ZNF880: variants seen among roughly 807,000 people sequenced by gnomAD.
ZNF880 encodes the protein zinc finger protein 880.
A neutral mutation model predicts 11.8 loss-of-function variants in ZNF880; 12 were observed. The observed-to-expected ratio is 1.02, with a 90% CI of 0.65 to 1.65. The LOEUF is 1.65. Among genes scored for constraint, ZNF880 ranks in the 40% most tolerant of loss-of-function variants. The probability of loss-of-function intolerance (pLI) is 0.00; values close to 1 mark genes in which losing one functional copy is unlikely to be tolerated. For missense variants in ZNF880, 601 were observed against 673.9 expected (o/e 0.89, Z 1.20); for synonymous variants, 210 against 232.4 (o/e 0.90, Z 0.88).
At position 52,384,181 on chromosome 19, in the gene ZNF880, A is replaced by G. The variant is rs1207787767; in HGVS notation, c.601A>G (p.Asn201Asp). 4 of 1,610,708 alleles carry G rather than the reference A, an allele frequency of 2.5e-6. No individual in the cohort carries two copies. Among genetic ancestry groups the G allele is most frequent in the Non-Finnish European group, 3.4e-6 (4 of 1,178,154 alleles). Reference protein sequence around the residue: ...KAFRVSSRLANNQVIHTADNP... With the variant: ...KAFRVSSRLADNQVIHTADNP... ...CTTTAGAGTGTCTTCAAGACTTGCT[A>G]ACAATCAAGTAATCCACACTGCAGA... Residue 201 changes from asparagine to aspartate, a missense_variant, in exon 4 of 4, where the codon AAC becomes GAC. Around this residue, in one of 3 missense-constraint regions of ZNF880, gnomAD observed 420 missense variants for 442.6 expected, o/e 0.95. Transcript: ENST00000422689.
In ZNF880 at chr19:52,385,602, T is replaced by C. The variant is rs753913990; in HGVS notation, c.*288T>C. ...ATTCAAGGACCATTACTATGGAACA[T>C]GATAAGATTTACACAAGCGATAATT... On this transcript the variant is annotated 3_prime_UTR_variant, in exon 4 of 4. Transcript: ENST00000422689. 7.3e-5 allele frequency: 20 copies of C among 272,688 alleles called. No individual in the cohort carries two copies. Among genetic ancestry groups the C allele is most frequent in the Middle Eastern group, 1.0e-3 (1 of 1,000 alleles). The allele number at this position is 272,688 out of a possible 1,614,324, so 16.9% of individuals were successfully genotyped here. A position where few individuals can be genotyped will look rare whatever the true frequency, so the allele number is the denominator to read the frequency against.
chr19:52,370,026 C>T, intron 1 of ZNF880, 49 bp downstream of exon 1: 11 of 1,550,898 alleles, frequency 7.1e-6, no homozygotes, highest in Non-Finnish European at 9.6e-6. Context: ...AGTCCCCTCG[C>T]GCTTCTGTAC....
At chr19:52,388,588 T>A (rs1434806319), downstream of ZNF880, among the ~76,000 whole-genome samples, 1 of 152,056 alleles carries the variant, frequency 6.6e-6, no homozygotes, top group East Asian at 1.9e-4. Context: ...TAATTTGAAC[T>A]TTTGACTGCT....
At chr19:52,390,299 G>A (rs536341269), downstream of ZNF880, 20 of 377,722 alleles carry the variant, frequency 5.3e-5, no homozygotes, top group African/African-American at 3.2e-4. Context: ...CCGCTCCCTC[G>A]TCAGCTCCTG....
In ZNF880 at chr19:52,385,467, T is replaced by A; in HGVS notation, c.*153T>A. 1.1e-6 allele frequency: 1 copy of A among 909,828 alleles called. No individual in the cohort carries two copies. Among genetic ancestry groups the A allele is most frequent in the Non-Finnish European group, 1.6e-6 (1 of 617,940 alleles). The allele number at this position is 909,828 out of a possible 1,614,324, so 56.4% of individuals were successfully genotyped here. A position where few individuals can be genotyped will look rare whatever the true frequency, so the allele number is the denominator to read the frequency against. ...TCAGAGATTCCATACTAAAGAGAAATCATAGCAATGTATGTGAATCAGGTC... is the reference window on the plus strand; with the variant it reads ...TCAGAGATTCCATACTAAAGAGAAAACATAGCAATGTATGTGAATCAGGTC... On this transcript the variant is annotated 3_prime_UTR_variant, in exon 4 of 4. Transcript: ENST00000422689.
chr19:52,388,344 G>A (rs188631396), downstream of ZNF880, among the ~76,000 whole-genome samples: 95 of 128,838 alleles, frequency 7.4e-4, no homozygotes, highest in East Asian at 6.7e-3. Context: ...GTGCAGTGGC[G>A]CGATCTTGGC....
chr19:52,368,215 AAATAAT>A (rs869085808), upstream of ZNF880, among the ~76,000 whole-genome samples: 26 of 63,384 alleles, frequency 4.1e-4, no homozygotes, highest in Admixed American at 3.0e-3. Context: ...AAAAAAAAAA[AAATAAT>A]AATAATACTG....
In ZNF880 at chr19:52,369,982, G is replaced by T. The variant is rs953275889; in HGVS notation, c.12+5G>T. 12 of 1,551,610 alleles carry T rather than the reference G, an allele frequency of 7.7e-6. No individual in the cohort carries two copies. In the Admixed American group the frequency reaches 2.2e-4, roughly 28 times the overall value. On this transcript the variant is annotated splice_donor_5th_base_variant and intron_variant, in intron 1 of 3. Coordinates refer to ENST00000422689, the MANE Select transcript of ZNF880 (RefSeq NM_001145434.2). ...GTGACGGTCATGCTGCGGCGTGTGA[G>T]TTTCCCTTTGTTTAGATTAAATCTG...
the ZNF880 span, chr19:52,395,853 T>C: frequency 2.6e-5 from 4 of 152,232 alleles, no homozygotes; most frequent in Non-Finnish European, 4.4e-5. Context: ...GCACATTCTA[T>C]ATTCATTCTT....
In ZNF880 at chr19:52,383,993, TCAA is replaced by T. The variant is rs34678014; in HGVS notation, c.417_419del (p.Asn140del). ...GGATGTAAACATGTCGAAAAACCTATCAACAATTCCTTAGTTTCACCACTTCAA... is the reference window on the plus strand; with the variant it reads ...GGATGTAAACATGTCGAAAAACCTATCAATTCCTTAGTTTCACCACTTCAA... On this transcript the variant is annotated inframe_deletion, in exon 4 of 4. Coordinates refer to ENST00000422689, the MANE Select transcript of ZNF880 (RefSeq NM_001145434.2). The T allele has an allele frequency of 1.3e-6, 2 of 1,551,860 alleles. No homozygotes were observed. Among genetic ancestry groups the T allele is most frequent in the South Asian group, 2.4e-5 (2 of 84,204 alleles).
chr19:52,379,057 G>T (rs1161045860), intron 3 of ZNF880, among the ~76,000 whole-genome samples: 1 of 151,892 alleles, frequency 6.6e-6, no homozygotes, highest in Admixed American at 6.6e-5. Context: ...CCTTAGTACA[G>T]AGTGATACCC....
At chr19:52,367,740 C>G (rs1986181869), upstream of ZNF880, 1 of 152,024 alleles carries the variant, frequency 6.6e-6, no homozygotes, top group Non-Finnish European at 1.5e-5. Flanking sequence ...GCCTTGTACA[C>G]CCTCAAATGT....
At chr19:52,376,002 G>A (rs1233363054) in intron 3 of ZNF880, among the ~76,000 whole-genome samples, 2 of 152,122 alleles carry the variant, frequency 1.3e-5, no homozygotes, top group Non-Finnish European at 2.9e-5. Context: ...CCATTATTTC[G>A]TTCCATTTTA....
At chr19:52,388,346 G>A (rs922332819), downstream of ZNF880, among the ~76,000 whole-genome samples, 1 of 134,822 alleles carries the variant, frequency 7.4e-6, no homozygotes, top group African/African-American at 2.9e-5. Context: ...GCAGTGGCGC[G>A]ATCTTGGCTC....
chr19:52,369,016 T>G (rs8109180), upstream of ZNF880, among the ~76,000 whole-genome samples: 3,291 of 142,220 alleles, frequency 0.023, 156 homozygotes, highest in African/African-American at 0.082. Context: ...GACCTGAGTA[T>G]GTCCATAAGA....
rs781196107 is a variant in ZNF880, at chr19:52,383,887, T to A, written c.307T>A (p.Ser103Thr). The change falls in exon 4 of 4, where the codon TCT becomes ACT. Residue 103 changes from serine to threonine, a missense_variant. By Grantham distance (58) the Ser-to-Thr change is moderately conservative (BLOSUM62 1). Transcript: ENST00000422689. ...SKLGSNAGNK[S>T]LKNQLGLTFQ... ...ATTGGGAAGCAATGCCGGAAACAAGTCTCTTAAAAATCAACTTGGATTAAC... is the reference window on the plus strand; with the variant it reads ...ATTGGGAAGCAATGCCGGAAACAAGACTCTTAAAAATCAACTTGGATTAAC... 6 of 1,534,568 alleles carry A rather than the reference T, an allele frequency of 3.9e-6. No individual in the cohort carries two copies. In the South Asian group the frequency reaches 7.4e-5, roughly 19 times the overall value.
Position 52,384,883 on chromosome 19 carries a change from C to G in ZNF880, c.1303C>G (p.Pro435Ala). 6.2e-7 allele frequency: 1 copy of G among 1,603,318 alleles called. No homozygotes were observed. The highest frequency in any genetic ancestry group is 1.1e-5 in the South Asian group (1 of 89,776). Reference protein sequence around the residue: ...AHLLIHTGEKPYKCKECAKVF... With the variant: ...AHLLIHTGEKAYKCKECAKVF... ...TCTACTAATTCACACTGGAGAGAAA[C>G]CTTACAAATGTAAAGAATGTGCCAA... Residue 435 changes from proline to alanine, a missense_variant, in exon 4 of 4, where the codon CCT (proline) becomes GCT (alanine). Physicochemically the swap from Pro to Ala is conservative, Grantham distance 27. This residue lies in a region of ZNF880 where 177 missense variants were observed against 214.5 expected (regional missense o/e 0.83). Coordinates refer to ENST00000422689, the MANE Select transcript of ZNF880 (RefSeq NM_001145434.2).
At chr19:52,386,171 CAAA>C (rs10674709), downstream of ZNF880, among the ~76,000 whole-genome samples, 3 of 77,338 alleles carry the variant, frequency 3.9e-5, no homozygotes, top group Non-Finnish European at 7.4e-5. Context: ...GACTCTGTCT[CAAA>C]AAAAAAAAAA....
chr19:52,394,392 T>C, the ZNF880 span, among the ~76,000 whole-genome samples: 3 of 151,774 alleles, frequency 2.0e-5, no homozygotes, highest in Non-Finnish European at 4.4e-5. Flanking sequence ...TGTGCCACCA[T>C]GGCCTGTTAA....
Sources: gnomAD v4.1 joint callset for allele counts (sites outside exome capture counted in the v4.1 genomes callset) on GRCh38, gnomAD v4.1.1 for gene constraint, gnomAD v4.1.1 regional missense constraint, MANE v1.5 for transcripts, NCBI Gene and HGNC (gene_info 2026-07-23, HGNC 2026-07-21) for gene names.